Variants in ELL2 observed in about 807,000 individuals in gnomAD.
ELL2 encodes the protein elongation factor for RNA polymerase II 2, also known as RNA polymerase II elongation factor ELL2.
ELL2 carries 21 observed loss-of-function variants against 72.8 expected under a neutral mutation model. The ratio of observed to expected loss-of-function variants is 0.29; its 90% confidence interval spans 0.20 to 0.42. The LOEUF (loss-of-function observed/expected upper bound fraction) is 0.42. ELL2 is among the 10% of genes least tolerant of loss of function. The pLI is 1.00. For missense variants in ELL2, 568 were observed against 772.8 expected, an observed-to-expected ratio of 0.73 and a Z score of 3.14; for synonymous variants, 266 against 283.2, an observed-to-expected ratio of 0.94 and a Z score of 0.61.
intron 4 of ELL2, among the ~76,000 whole-genome samples, chr5:95,910,222 A>G (rs1749532089): frequency 2.0e-5 from 3 of 152,196 alleles, no homozygotes; most frequent in South Asian, 4.1e-4. Flanking sequence ...GTCATCAAAA[A>G]TAAGGAGGTT....
chr5:95,938,571 A>C (rs757698568), intron 2 of ELL2, among the ~76,000 whole-genome samples: 1 of 152,076 alleles, frequency 6.6e-6, no homozygotes, highest in African/African-American at 2.4e-5. Context: ...ACAACAACAA[A>C]AAATTAGCCA....
chr5:95,903,313 G>C (rs1366477859), intron 5 of ELL2, among the ~76,000 whole-genome samples: 1 of 135,542 alleles, frequency 7.4e-6, no homozygotes, highest in Non-Finnish European at 1.5e-5. Flanking sequence ...CTGCCTCCCA[G>C]ATACAGGCAA....
At chr5:95,903,720 A>G (rs1749236562) in intron 5 of ELL2, among the ~76,000 whole-genome samples, 1 of 152,168 alleles carries the variant, frequency 6.6e-6, no homozygotes, top group African/African-American at 2.4e-5. Flanking sequence ...TCTAGCCCCA[A>G]CTATCCTCTG....
intron 4 of ELL2, among the ~76,000 whole-genome samples, chr5:95,907,079 G>C (rs568282335): frequency 9.1e-4 from 139 of 152,056 alleles, no homozygotes; most frequent in Middle Eastern, 3.4e-3. Flanking sequence ...TGTAACAACA[G>C]ACTTGATAAC....
Position 95,887,951 on chromosome 5 carries a change from A to G in ELL2, c.*920T>C, listed in dbSNP as rs1321762332. The G allele has an allele frequency of 2.0e-5, 3 of 152,520 alleles. No individual in the cohort carries two copies. Among genetic ancestry groups the G allele is most frequent in the African/African-American group, 7.2e-5 (3 of 41,452 alleles). 9.4% of individuals were successfully genotyped at this position (152,520 alleles called of 1,614,324 possible). A position where few individuals can be genotyped will look rare whatever the true frequency, so the allele number is the denominator to read the frequency against. On this transcript the variant is annotated 3_prime_UTR_variant, in exon 12 of 12. Coordinates refer to ENST00000237853, the MANE Select transcript of ELL2 (RefSeq NM_012081.6). ...TGAAATGGAAATGCTTTTGTCTTCC[A>G]CAACAAAAGTAGCAATTTGATAGAA...
intron 5 of ELL2, among the ~76,000 whole-genome samples, chr5:95,901,703 T>G (rs1288554236): frequency 1.3e-5 from 2 of 152,216 alleles, no homozygotes; most frequent in African/African-American, 2.4e-5. Flanking sequence ...AAAACGGAGA[T>G]GGCTAGTGAC....
chr5:95,950,106 T>C (rs551956748), intron 1 of ELL2, among the ~76,000 whole-genome samples: 10 of 152,212 alleles, frequency 6.6e-5, no homozygotes, highest in African/African-American at 2.4e-4. Flanking sequence ...AGAATCACTT[T>C]TTTGGTTTTG....
At chr5:95,914,037 G>T in intron 3 of ELL2, 103 bp from the exon 4 acceptor site, 1 of 1,041,468 alleles carries the variant, frequency 9.6e-7, no homozygotes, top group Non-Finnish European at 1.3e-6. Flanking sequence ...AACTAAGTTT[G>T]CAATCCTAAA....
At chr5:95,897,605 A>G (rs1329701320) in intron 8 of ELL2, among the ~76,000 whole-genome samples, 1 of 152,216 alleles carries the variant, frequency 6.6e-6, no homozygotes, top group Non-Finnish European at 1.5e-5. Flanking sequence ...CTAATTTTAC[A>G]AATAACAATT....
At chr5:95,919,631 T>C in intron 2 of ELL2, 86 bp from the exon 3 acceptor site, 2 of 1,448,862 alleles carry the variant, frequency 1.4e-6, no homozygotes, top group Non-Finnish European at 1.8e-6. Context: ...GTTTTTCTAG[T>C]GAAAATCATT....
chr5:95,945,901 C>G (rs1751139157), intron 1 of ELL2, among the ~76,000 whole-genome samples: 1 of 152,136 alleles, frequency 6.6e-6, no homozygotes, highest in South Asian at 2.1e-4. Flanking sequence ...TTTTTAGTTT[C>G]TATTTGCTAC....
chr5:95,922,841 T>TACTC (rs1750141931), intron 2 of ELL2, among the ~76,000 whole-genome samples: 1 of 152,224 alleles, frequency 6.6e-6, no homozygotes, highest in African/African-American at 2.4e-5. Context: ...CCATGCTATG[T>TACTC]ACTCACCAAA....
rs780057090 is a variant in ELL2, at chr5:95,913,967, G to T, written c.318-33C>A. On this transcript the variant is annotated intron_variant, in intron 3 of 11. Coordinates refer to ENST00000237853, the MANE Select transcript of ELL2 (RefSeq NM_012081.6). ...GTAAGTCAGTGGCTTTGTTAGACATGACCTTCATTTTGTACAATAAAGGCA... is the reference window on the plus strand; with the variant it reads ...GTAAGTCAGTGGCTTTGTTAGACATTACCTTCATTTTGTACAATAAAGGCA... The T allele has an allele frequency of 5.8e-6, 9 of 1,547,310 alleles. No homozygotes were observed. In the South Asian group the frequency reaches 1.1e-4, roughly 19 times the overall value.
intron 3 of ELL2, among the ~76,000 whole-genome samples, chr5:95,915,653 C>A (rs1749763946): frequency 6.6e-6 from 1 of 152,052 alleles, no homozygotes; most frequent in Non-Finnish European, 1.5e-5. Flanking sequence ...CAGAGGACTC[C>A]CAGAAAGGTA....
At chr5:95,929,664 C>T (rs1243890024) in intron 2 of ELL2, among the ~76,000 whole-genome samples, 2 of 151,782 alleles carry the variant, frequency 1.3e-5, no homozygotes, top group African/African-American at 4.8e-5. Context: ...CAGAAGGTGC[C>T]TTATGTCAGG....
chr5:95,928,173 T>C (rs898490527), intron 2 of ELL2, among the ~76,000 whole-genome samples: 2 of 152,054 alleles, frequency 1.3e-5, no homozygotes, highest in African/African-American at 2.4e-5. Context: ...ATACAGACTA[T>C]GGAGCATGAG....
chr5:95,927,389 A>ATGTG (rs759833752), intron 2 of ELL2, among the ~76,000 whole-genome samples: 2 of 42,384 alleles, frequency 4.7e-5, no homozygotes, highest in Non-Finnish European at 7.8e-5. Context: ...ACACGTGTGT[A>ATGTG]TATATAGACA....
At chr5:95,947,420 T>C (rs17085341) in intron 1 of ELL2, among the ~76,000 whole-genome samples, 1,927 of 152,316 alleles carry the variant, frequency 0.013, 45 homozygotes, top group African/African-American at 0.044. Flanking sequence ...GACATGCTTA[T>C]AGTTCTACCT....
At chr5:95,915,909 T>C (rs1050651296) in intron 3 of ELL2, among the ~76,000 whole-genome samples, 1 of 152,076 alleles carries the variant, frequency 6.6e-6, no homozygotes, top group Non-Finnish European at 1.5e-5. Flanking sequence ...GTTTTGGACC[T>C]TATCCAAAGG....
Sources: gnomAD v4.1 joint callset for allele counts (sites outside exome capture counted in the v4.1 genomes callset) on GRCh38, gnomAD v4.1.1 for gene constraint, MANE v1.5 for transcripts, NCBI Gene and HGNC (gene_info 2026-07-23, HGNC 2026-07-21) for gene names.